AKT3: variants seen among roughly 807,000 people sequenced by gnomAD.
AKT3 encodes the protein RAC-gamma serine/threonine-protein kinase.
In AKT3, 15 loss-of-function variants were observed where a neutral mutation model predicts 65.3. The ratio of observed to expected loss-of-function variants is 0.23; its 90% CI spans 0.15 to 0.35. The LOEUF is 0.35. AKT3 is among the 10% of genes least tolerant of loss of function. AKT3 has a pLI of 1.00. For synonymous variants in AKT3, 206 were observed against 183.8 expected (o/e 1.12, Z -0.98); for missense variants, 243 against 576.5 (o/e 0.42, Z 5.92).
At chr1:243,767,379 T>C (rs915640915) in intron 2 of AKT3, among the ~76,000 whole-genome samples, 8 of 152,180 alleles carry the variant, frequency 5.3e-5, no homozygotes, top group Non-Finnish European at 7.4e-5. Flanking sequence ...AAGAGTTTTA[T>C]CATGCCTATG....
chr1:243,553,831 G>A (rs1673237757), intron 10 of AKT3, among the ~76,000 whole-genome samples: 1 of 152,026 alleles, frequency 6.6e-6, no homozygotes, highest in East Asian at 1.9e-4. Flanking sequence ...TTCATCCAAT[G>A]GAATATTCCT....
rs1677111139 is a variant in AKT3 at position 243,602,810 on chromosome 1, G to A, written c.696+10861C>T. On this transcript the variant is annotated intron_variant, in intron 8 of 13. Coordinates refer to ENST00000673466, the MANE Select transcript of AKT3 (RefSeq NM_005465.7). ...CATTACAACCTACATAAAGAAAATA[G>A]AGGAATGTGAAGAATTTATCAGATG... Among the ~76,000 whole-genome samples the A allele has an allele frequency of 2.6e-5, 4 of 152,138 alleles. 1 individual carries two copies. Among genetic ancestry groups the A allele is most frequent in the South Asian group, 4.1e-4 (2 of 4,834 alleles).
chr1:243,813,614 TAAGGA>T (rs1693325799), intron 2 of AKT3, among the ~76,000 whole-genome samples: 1 of 152,176 alleles, frequency 6.6e-6, no homozygotes, highest in Non-Finnish European at 1.5e-5. Flanking sequence ...AAATATAGTG[TAAGGA>T]CCCTGGATTT....
At chr1:243,651,500 T>G (rs1012901353) in intron 4 of AKT3, among the ~76,000 whole-genome samples, 1 of 152,222 alleles carries the variant, frequency 6.6e-6, no homozygotes, top group African/African-American at 2.4e-5. Context: ...TTCCAGTTTT[T>G]GCCCATTCAG....
At chr1:243,583,540 C>CA (rs1294857854) in intron 8 of AKT3, among the ~76,000 whole-genome samples, 1,006 of 29,760 alleles carry the variant, frequency 0.034, 6 homozygotes, top group African/African-American at 0.053. Context: ...AAGTAAGTCT[C>CA]AAAAAAAAAA....
chr1:243,598,121 A>G (rs1303258531), intron 8 of AKT3, among the ~76,000 whole-genome samples: 1 of 152,200 alleles, frequency 6.6e-6, no homozygotes, highest in Non-Finnish European at 1.5e-5. Context: ...TTGCATCTTC[A>G]GCACCATGCC....
chr1:243,786,483 T>A (rs879453035), intron 2 of AKT3, among the ~76,000 whole-genome samples: 2 of 152,214 alleles, frequency 1.3e-5, no homozygotes, highest in Admixed American at 6.5e-5. Flanking sequence ...GCAGCCCCAA[T>A]CTTAATAGCC....
intron 8 of AKT3, among the ~76,000 whole-genome samples, chr1:243,582,773 T>C (rs543031635): frequency 6.6e-6 from 1 of 152,210 alleles, no homozygotes; most frequent in Non-Finnish European, 1.5e-5. Flanking sequence ...TAGCTTTGAA[T>C]GTAAATGGTC....
intron 9 of AKT3, among the ~76,000 whole-genome samples, chr1:243,569,722 C>A (rs1479258407): frequency 1.3e-5 from 2 of 152,170 alleles, no homozygotes; most frequent in Non-Finnish European, 2.9e-5. Flanking sequence ...GAAATAGCAA[C>A]AACTTATGTA....
At chr1:243,508,604 C>T (rs1328632064) in intron 13 of AKT3, among the ~76,000 whole-genome samples, 2 of 151,710 alleles carry the variant, frequency 1.3e-5, no homozygotes, top group Admixed American at 1.3e-4. Context: ...TGTCCAGGGC[C>T]CAGGAGCAGG....
At chr1:243,756,783 A>G (rs1234322399) in intron 2 of AKT3, among the ~76,000 whole-genome samples, 1 of 152,244 alleles carries the variant, frequency 6.6e-6, no homozygotes, top group African/African-American at 2.4e-5. Context: ...AAATAATAAC[A>G]AAGGACAAAA....
chr1:243,616,115 C>A (rs141232502), intron 6 of AKT3, among the ~76,000 whole-genome samples: 108 of 151,004 alleles, frequency 7.2e-4, no homozygotes, highest in African/African-American at 2.3e-3. Context: ...TGAATAAGTT[C>A]TTTAGTGGTG....
chr1:243,567,881 A>G (rs1285173982), intron 9 of AKT3, among the ~76,000 whole-genome samples: 2 of 152,226 alleles, frequency 1.3e-5, no homozygotes, highest in African/African-American at 4.8e-5. Flanking sequence ...TTTCTGTAAA[A>G]TACAAGGACC....
chr1:243,780,591 A>C (rs1219381549), intron 2 of AKT3, among the ~76,000 whole-genome samples: 2 of 151,292 alleles, frequency 1.3e-5, no homozygotes, highest in Non-Finnish European at 3.0e-5. Flanking sequence ...AATCTATATA[A>C]ATATATTTAA....
downstream of AKT3, among the ~76,000 whole-genome samples, chr1:243,498,339 C>T (rs1317908348): frequency 6.6e-6 from 1 of 152,196 alleles, no homozygotes; most frequent in Non-Finnish European, 1.5e-5. Flanking sequence ...GGGTGGACTC[C>T]TCATGGGCCA....
rs940139371 is a variant in AKT3, at chr1:243,503,163, A to T, written c.*2086T>A. 1 of 233,676 alleles carries T rather than the reference A, an allele frequency of 4.3e-6. No individual in the cohort carries two copies. Among genetic ancestry groups the T allele is most frequent in the African/African-American group, 2.2e-5 (1 of 45,448 alleles). 14.5% of individuals were successfully genotyped at this position (233,676 alleles called of 1,614,324 possible). ...GAACTACCATTTACTGTAACTTCCT[A>T]CTCAATACTAAGGATGAACTTCACT... is the stretch of plus-strand genomic sequence containing the variant. On this transcript the variant is annotated 3_prime_UTR_variant, in exon 14 of 14. Transcript: ENST00000673466.
At chr1:243,598,871 T>A (rs1337830981) in intron 8 of AKT3, among the ~76,000 whole-genome samples, 1 of 152,212 alleles carries the variant, frequency 6.6e-6, no homozygotes, top group Admixed American at 6.5e-5. Flanking sequence ...ACTGTTTTAT[T>A]CATCCTAGCG....
chr1:243,499,587 T>C, downstream of AKT3: 1 of 668,234 alleles, frequency 1.5e-6, no homozygotes, highest in Non-Finnish European at 2.7e-6. Context: ...GGCTTTGATG[T>C]GGACAAGATG....
At chr1:243,555,466 A>C (rs1438237499) in intron 10 of AKT3, among the ~76,000 whole-genome samples, 1 of 152,156 alleles carries the variant, frequency 6.6e-6, no homozygotes, top group Non-Finnish European at 1.5e-5. Context: ...AGCCAAATTA[A>C]CCAATTCGAA....
Sources: gnomAD v4.1 joint callset for allele counts (sites outside exome capture counted in the v4.1 genomes callset) on GRCh38, gnomAD v4.1.1 for gene constraint, MANE v1.5 for transcripts, NCBI Gene and HGNC (gene_info 2026-07-23, HGNC 2026-07-21) for gene names.